The following EDIL3 variants were observed in gnomAD, a reference collection of about 807,000 sequenced individuals.
EDIL3 encodes the protein EGF-like repeat and discoidin I-like domain-containing protein 3.
A neutral mutation model predicts 67.4 loss-of-function variants in EDIL3; 37 were observed. The ratio of observed to expected loss-of-function variants is 0.55; its 90% CI spans 0.42 to 0.72. The LOEUF (loss-of-function observed/expected upper bound fraction) is 0.72. Ranked by LOEUF, EDIL3 falls within the 30% of genes least tolerant of loss-of-function variation. EDIL3 has a pLI of 0.00. For missense variants in EDIL3, 527 were observed against 586.3 expected, an observed-to-expected ratio of 0.90 and a Z score of 1.04; for synonymous variants, 195 against 196.3, an observed-to-expected ratio of 0.99 and a Z score of 0.05.
intron 4 of EDIL3, among the ~76,000 whole-genome samples, chr5:84,147,175 A>G (rs2112326259): frequency 6.6e-6 from 1 of 152,198 alleles, no homozygotes; most frequent in East Asian, 1.9e-4. Context: ...AAAAAAAAAA[A>G]TTCTGTATGT....
intron 9 of EDIL3, among the ~76,000 whole-genome samples, chr5:84,033,830 A>T (rs189886033): frequency 3.9e-5 from 6 of 152,094 alleles, no homozygotes; most frequent in African/African-American, 4.8e-5. Flanking sequence ...TGATAGTTAC[A>T]CTCTGTGGGA....
At chr5:84,329,530 T>G (rs1746829858) in intron 1 of EDIL3, among the ~76,000 whole-genome samples, 1 of 152,132 alleles carries the variant, frequency 6.6e-6, no homozygotes, top group African/African-American at 2.4e-5. Flanking sequence ...GCCACATCAT[T>G]AATTTATGCA....
intron 4 of EDIL3, among the ~76,000 whole-genome samples, chr5:84,138,948 T>C (rs1225162018): frequency 6.6e-6 from 1 of 152,182 alleles, no homozygotes; most frequent in African/African-American, 2.4e-5. Context: ...CTGTAAAGTA[T>C]GATAGACTCA....
chr5:84,140,455 G>T (rs141514875), intron 4 of EDIL3, among the ~76,000 whole-genome samples: 25 of 152,186 alleles, frequency 1.6e-4, no homozygotes, highest in Middle Eastern at 6.8e-3. Flanking sequence ...ATATGTGAGC[G>T]TAAATCTAAT....
chr5:83,961,348 G>C (rs1010424913), intron 10 of EDIL3, among the ~76,000 whole-genome samples: 2 of 151,014 alleles, frequency 1.3e-5, no homozygotes, highest in Non-Finnish European at 3.0e-5. Context: ...TAGAAAACCT[G>C]AGTAACTCTA....
chr5:84,204,780 G>C (rs1743924952), intron 3 of EDIL3, among the ~76,000 whole-genome samples: 1 of 133,598 alleles, frequency 7.5e-6, no homozygotes, highest in Non-Finnish European at 1.5e-5. Flanking sequence ...ACAAGCATAA[G>C]TTAATTGGCC....
intron 1 of EDIL3, among the ~76,000 whole-genome samples, chr5:84,334,022 T>TAAGATCG (rs1746931656): frequency 6.6e-6 from 1 of 152,082 alleles, no homozygotes; most frequent in Non-Finnish European, 1.5e-5. Flanking sequence ...AGAATCTTTG[T>TAAGATCG]ATGTAAGAAC....
chr5:84,253,147 T>C (rs1443587769), intron 2 of EDIL3, among the ~76,000 whole-genome samples: 5 of 152,150 alleles, frequency 3.3e-5, no homozygotes, highest in Non-Finnish European at 7.4e-5. Flanking sequence ...CTGGGTACAA[T>C]GATGGGTAAT....
intron 5 of EDIL3, among the ~76,000 whole-genome samples, chr5:84,133,827 G>A (rs145530277): frequency 6.6e-6 from 1 of 151,622 alleles, no homozygotes; most frequent in Non-Finnish European, 1.5e-5. Flanking sequence ...AACTAAAAAA[G>A]AATTGAGATC....
chr5:84,117,339 T>C (rs1747689712), intron 5 of EDIL3, among the ~76,000 whole-genome samples: 1 of 152,122 alleles, frequency 6.6e-6, no homozygotes, highest in African/African-American at 2.4e-5. Flanking sequence ...CAAGTACTTA[T>C]TTTTGTTGAA....
chr5:84,182,489 A>T (rs1749031135), intron 3 of EDIL3, among the ~76,000 whole-genome samples: 1 of 151,694 alleles, frequency 6.6e-6, no homozygotes, highest in Non-Finnish European at 1.5e-5. Flanking sequence ...CAAACAAACA[A>T]ACTTGTGAAT....
intron 9 of EDIL3, among the ~76,000 whole-genome samples, chr5:84,004,329 A>G (rs908613752): frequency 6.6e-6 from 1 of 152,290 alleles, no homozygotes; most frequent in Middle Eastern, 3.4e-3. Flanking sequence ...TGGACCTAAC[A>G]GACAACTGTA....
chr5:84,173,366 G>T (rs997324009), intron 4 of EDIL3, among the ~76,000 whole-genome samples: 11 of 152,274 alleles, frequency 7.2e-5, no homozygotes, highest in African/African-American at 2.6e-4. Flanking sequence ...TGCAGGACGA[G>T]CTGTGACTAC....
At chr5:84,150,110 G>A (rs937906296) in intron 4 of EDIL3, among the ~76,000 whole-genome samples, 7 of 152,060 alleles carry the variant, frequency 4.6e-5, no homozygotes, top group African/African-American at 1.4e-4. Flanking sequence ...TAAGAAACAC[G>A]AAGAAAGCTA....
chr5:84,001,122 C>T (rs1352492720), intron 9 of EDIL3, among the ~76,000 whole-genome samples: 1 of 152,130 alleles, frequency 6.6e-6, no homozygotes, highest in East Asian at 1.9e-4. Context: ...TCTCAGCTCA[C>T]TGCAACCTCT....
intron 6 of EDIL3, among the ~76,000 whole-genome samples, chr5:84,078,283 T>C (rs527260472): frequency 6.6e-6 from 1 of 152,202 alleles, no homozygotes; most frequent in South Asian, 2.1e-4. Flanking sequence ...AAATATAAAG[T>C]GTACCTGTGT....
intron 9 of EDIL3, among the ~76,000 whole-genome samples, chr5:83,978,253 A>G (rs911871862): frequency 9.2e-5 from 14 of 151,948 alleles, no homozygotes; most frequent in African/African-American, 1.4e-4. Context: ...CCCATTCACT[A>G]CAACGACAAA....
At chr5:84,050,867 T>G (rs1318151254) in intron 9 of EDIL3, among the ~76,000 whole-genome samples, 1 of 152,194 alleles carries the variant, frequency 6.6e-6, no homozygotes, top group East Asian at 1.9e-4. Context: ...TGCCTGCCTC[T>G]GTAGACTCCA....
At chr5:84,343,110 A>G (rs1326823643) in intron 1 of EDIL3, among the ~76,000 whole-genome samples, 1 of 152,122 alleles carries the variant, frequency 6.6e-6, no homozygotes, top group Non-Finnish European at 1.5e-5. Flanking sequence ...TTGTGCCTAC[A>G]TTATATATCT....
Sources: gnomAD v4.1 joint callset for allele counts (sites outside exome capture counted in the v4.1 genomes callset) on GRCh38, gnomAD v4.1.1 for gene constraint, MANE v1.5 for transcripts, NCBI Gene and HGNC (gene_info 2026-07-23, HGNC 2026-07-21) for gene names.